The following TPO variants were observed in gnomAD, a reference collection of about 807,000 sequenced individuals.
TPO encodes thyroid peroxidase.
In TPO, 78 loss-of-function variants were observed where a neutral mutation model predicts 96.9. The observed-to-expected ratio is 0.81, with a 90% confidence interval of 0.67 to 0.97. TPO has a LOEUF of 0.97. TPO is among the 50% of genes least tolerant of loss of function. The pLI, the probability that TPO is intolerant of heterozygous loss-of-function variation, is 0.00. For synonymous variants in TPO, 547 were observed against 538.0 expected (o/e 1.02, Z -0.23); for missense variants, 1,252 against 1,274.8 (o/e 0.98, Z 0.27).
intron 5 of TPO, among the ~76,000 whole-genome samples, chr2:1,445,450 T>G (rs1666696474): frequency 1.8e-5 from 2 of 113,276 alleles, no homozygotes; most frequent in Non-Finnish European, 3.6e-5. Flanking sequence ...CTCCTTCTTG[T>G]TTGTATGATC....
chr2:1,384,846 G>C (rs1017961178), intron 1 of TPO, among the ~76,000 whole-genome samples: 3 of 152,208 alleles, frequency 2.0e-5, no homozygotes, highest in Middle Eastern at 3.4e-3. Flanking sequence ...TTGGCTGTGG[G>C]TTTGTCATAA....
intron 3 of TPO, among the ~76,000 whole-genome samples, chr2:1,423,542 C>A (rs1664010398): frequency 6.6e-6 from 1 of 152,046 alleles, no homozygotes; most frequent in African/African-American, 2.4e-5. Context: ...GGGCTCTCCC[C>A]CATTTTTGAA....
intron 14 of TPO, among the ~76,000 whole-genome samples, chr2:1,514,901 G>C (rs989629489): frequency 6.6e-6 from 1 of 152,138 alleles, no homozygotes; most frequent in Admixed American, 6.5e-5. Flanking sequence ...TCTGCCGTTT[G>C]CTGGTGTGAG....
At chr2:1,540,084 C>T (rs1035271520) in intron 15 of TPO, among the ~76,000 whole-genome samples, 1 of 152,188 alleles carries the variant, frequency 6.6e-6, no homozygotes. Context: ...CAGCTCTCCA[C>T]GCCTCCCAGA....
intron 15 of TPO, among the ~76,000 whole-genome samples, chr2:1,519,389 G>T (rs545424708): frequency 6.6e-6 from 1 of 152,102 alleles, no homozygotes; most frequent in Non-Finnish European, 1.5e-5. Flanking sequence ...GCTTCTCCTC[G>T]CGAGAAGATT....
intron 7 of TPO, among the ~76,000 whole-genome samples, chr2:1,457,877 G>A (rs1038114191): frequency 6.6e-5 from 10 of 151,922 alleles, no homozygotes; most frequent in African/African-American, 2.2e-4. Flanking sequence ...ATATGATCTC[G>A]GGTGGGCACG....
chr2:1,433,605 C>G lies in TPO; in HGVS notation c.347C>G (p.Thr116Arg). Reference sequence around the variant, plus strand: ...AAAACTCAACAATCACAGCATCCAACGGGTAATGTGTGCCCCTCTCCCCAC... The same window carrying G: ...AAAACTCAACAATCACAGCATCCAAGGGGTAATGTGTGCCCCTCTCCCCAC... ...NLKTQQSQHP[T>R]DALSEDLLSI... Residue 116 changes from threonine to arginine, a missense_variant and splice_region_variant, in exon 4 of 17, where the codon ACG becomes AGG. Transcript: ENST00000329066. The G allele has an allele frequency of 1.9e-6, 3 of 1,613,532 alleles. No individual in the cohort carries two copies. The highest frequency in any genetic ancestry group is 2.5e-6 in the Non-Finnish European group (3 of 1,179,668).
chr2:1,443,672 C>A (rs1230651796), intron 5 of TPO, among the ~76,000 whole-genome samples: 1 of 134,348 alleles, frequency 7.4e-6, no homozygotes, highest in Non-Finnish European at 1.6e-5. Context: ...GTCACTGCTG[C>A]AGGAGGCACC....
intron 1 of TPO, among the ~76,000 whole-genome samples, chr2:1,405,415 C>T (rs1662236475): frequency 6.6e-6 from 1 of 151,804 alleles, no homozygotes; most frequent in Admixed American, 6.6e-5. Flanking sequence ...TACTCACCCA[C>T]CCATCCATCC....
At chr2:1,394,431 C>T (rs1662048670) in intron 1 of TPO, among the ~76,000 whole-genome samples, 1 of 152,174 alleles carries the variant, frequency 6.6e-6, no homozygotes, top group Non-Finnish European at 1.5e-5. Flanking sequence ...CGGGCTGGCC[C>T]AGCCACCACA....
chr2:1,441,223 C>T (rs1666161261), intron 5 of TPO, among the ~76,000 whole-genome samples: 3 of 152,140 alleles, frequency 2.0e-5, no homozygotes, highest in Admixed American at 1.3e-4. Context: ...TAGTCAGTGC[C>T]GCAGGAGCTA....
At chr2:1,437,385 A>G (rs963862495) in intron 5 of TPO, among the ~76,000 whole-genome samples, 4 of 152,100 alleles carry the variant, frequency 2.6e-5, no homozygotes, top group African/African-American at 9.7e-5. Context: ...CTTAGCATGG[A>G]AGAACTCCTC....
intron 10 of TPO, 25 bp downstream of exon 10, chr2:1,488,016 A>G (rs2124860096): frequency 6.2e-7 from 1 of 1,611,830 alleles, no homozygotes; most frequent in Non-Finnish European, 8.5e-7. Flanking sequence ...TCCCTTGCAC[A>G]CCTCATGCAG....
chr2:1,484,190 G>A (rs1327492916), intron 8 of TPO, among the ~76,000 whole-genome samples: 1 of 152,186 alleles, frequency 6.6e-6, no homozygotes, highest in Non-Finnish European at 1.5e-5. Flanking sequence ...CATACAACAT[G>A]CTTTGATTTA....
intron 14 of TPO, among the ~76,000 whole-genome samples, chr2:1,506,221 A>T (rs1673446066): frequency 6.6e-6 from 1 of 151,796 alleles, no homozygotes; most frequent in Non-Finnish European, 1.5e-5. Flanking sequence ...TGAACTCATC[A>T]TTTATGGCTG....
intron 1 of TPO, among the ~76,000 whole-genome samples, chr2:1,386,263 T>G (rs1352884646): frequency 2.6e-5 from 4 of 152,184 alleles, no homozygotes; most frequent in African/African-American, 9.7e-5. Context: ...AATTCCTGCA[T>G]ATCCTTGTTA....
intron 1 of TPO, among the ~76,000 whole-genome samples, chr2:1,400,513 G>A (rs927891520): frequency 7.4e-6 from 1 of 135,398 alleles, no homozygotes; most frequent in Non-Finnish European, 1.5e-5. Flanking sequence ...CCTGGGTAAA[G>A]AGCTGAGATT....
intron 5 of TPO, among the ~76,000 whole-genome samples, chr2:1,441,983 T>C (rs1399387): frequency 0.44 from 66,371 of 151,922 alleles, 15,234 homozygotes; most frequent in South Asian, 0.58. Flanking sequence ...CAGGTCTTTC[T>C]TGTGATGTTC....
chr2:1,426,972 C>G (rs1664478560), intron 3 of TPO, among the ~76,000 whole-genome samples: 1 of 152,202 alleles, frequency 6.6e-6, no homozygotes, highest in South Asian at 2.1e-4. Context: ...AAGCACAGAG[C>G]CTGCCTACGG....
Sources: allele counts gnomAD v4.1 joint callset (sites outside exome capture counted in the v4.1 genomes callset), GRCh38; gene constraint gnomAD v4.1.1; transcripts MANE v1.5; gene names NCBI Gene and HGNC (gene_info 2026-07-23, HGNC 2026-07-21).